The following GPC3 variants were observed in gnomAD, a reference collection of about 807,000 sequenced individuals.
GPC3 encodes the protein glypican-3.
GPC3 carries 3 observed loss-of-function variants against 34.4 expected under a neutral mutation model. The ratio of observed to expected loss-of-function variants is 0.09; its 90% CI spans 0.04 to 0.23. The LOEUF is 0.23. Ranked by LOEUF, GPC3 falls within the 10% of genes least tolerant of loss-of-function variation. The pLI is 1.00. For missense variants in GPC3, 351 were observed against 445.6 expected (o/e 0.79, Z 1.91); for synonymous variants, 177 against 174.0 (o/e 1.02, Z -0.13).
At position 133,710,485 on chromosome X, in the gene GPC3, G is replaced by GGACT. The variant is rs771203090; in HGVS notation, c.1033-10461_1033-10458dup. On this transcript the variant is annotated intron_variant, in intron 3 of 7. Coordinates refer to ENST00000370818, the MANE Select transcript of GPC3 (RefSeq NM_004484.4). ...AGAAATTTGATTCATTCTTAAGTGG[G>GGACT]GACTACTTCCTTCTGCAGCCTGCTT... Among the ~76,000 whole-genome samples, 9 of 112,156 alleles carry GGACT rather than the reference G, an allele frequency of 8.0e-5. No individual in the cohort carries two copies. In the East Asian group the frequency reaches 2.2e-3, roughly 28 times the overall value.
At chrX:133,869,675 T>A (rs57082858) in intron 2 of GPC3, among the ~76,000 whole-genome samples, 1 of 111,957 alleles carries the variant, frequency 8.9e-6, no homozygotes, top group African/African-American at 3.3e-5. Context: ...TGGCCGGGCA[T>A]GGTGGCTTAC....
At chrX:133,940,612 T>A in intron 2 of GPC3, among the ~76,000 whole-genome samples, 1 of 111,934 alleles carries the variant, frequency 8.9e-6, no homozygotes, top group Non-Finnish European at 1.9e-5. Context: ...AGTTCAAATG[T>A]CTAACCTCAC....
chrX:133,828,764 G>A lies in GPC3; in HGVS notation c.338-74588C>T, dbSNP rs762214409. ...GAGAAAGAACTTTTTGAGATCTATC[G>A]CACAGCATGGTGTCTACAGTTAATA... On this transcript the variant is annotated intron_variant, in intron 2 of 7. Coordinates refer to ENST00000370818, the MANE Select transcript of GPC3 (RefSeq NM_004484.4). Among the ~76,000 whole-genome samples, 6 of 110,256 alleles carry A rather than the reference G, an allele frequency of 5.4e-5. No homozygotes were observed. In the South Asian group the frequency reaches 1.2e-3, roughly 21 times the overall value.
At chrX:133,966,551 C>G (rs965905806) in intron 1 of GPC3, among the ~76,000 whole-genome samples, 2 of 112,121 alleles carry the variant, frequency 1.8e-5, no homozygotes, top group Admixed American at 1.9e-4. Flanking sequence ...GTAAATAATC[C>G]GTGCCCTCTA....
At chrX:133,927,382 G>A (rs1183257194) in intron 2 of GPC3, among the ~76,000 whole-genome samples, 1 of 110,992 alleles carries the variant, frequency 9.0e-6, no homozygotes, top group Non-Finnish European at 1.9e-5. Flanking sequence ...GAAATACATG[G>A]GGAAAAGTTC....
intron 2 of GPC3, among the ~76,000 whole-genome samples, chrX:133,844,078 T>A (rs1301614216): frequency 9.0e-6 from 1 of 111,542 alleles, no homozygotes; most frequent in Non-Finnish European, 1.9e-5. Context: ...AAGGACAAGT[T>A]AACCATGGCC....
rs143675778 is a variant in GPC3 at position 133,725,083 on chromosome X, T to C, written c.1033-25055A>G. On this transcript the variant is annotated intron_variant, in intron 3 of 7. Coordinates refer to ENST00000370818, the MANE Select transcript of GPC3 (RefSeq NM_004484.4). ...GGGTCAGTAAAGCAACAGAGAGTCTTCCATTGATTTCAGATGCCCTTTTAT... is the reference window on the plus strand; with the variant it reads ...GGGTCAGTAAAGCAACAGAGAGTCTCCCATTGATTTCAGATGCCCTTTTAT... 1.1e-3 allele frequency among the ~76,000 whole-genome samples: 126 copies of C among 111,710 alleles called. No individual in the cohort carries two copies. In the East Asian group the frequency reaches 0.028, roughly 25 times the overall value.
chrX:133,684,984 T>A (rs1043177898), intron 5 of GPC3, among the ~76,000 whole-genome samples: 3 of 110,432 alleles, frequency 2.7e-5, no homozygotes, highest in African/African-American at 9.9e-5. Flanking sequence ...GTGTTAGAAA[T>A]TTTTAGGTAC....
chrX:133,643,401 T>C (rs1459784913), intron 6 of GPC3, among the ~76,000 whole-genome samples: 1 of 111,828 alleles, frequency 8.9e-6, no homozygotes, highest in African/African-American at 3.3e-5. Flanking sequence ...GAGCTTTGCT[T>C]TGGTCCAGCG....
chrX:133,685,418 C>T (rs764433137), intron 5 of GPC3, among the ~76,000 whole-genome samples: 4 of 111,686 alleles, frequency 3.6e-5, no homozygotes, highest in African/African-American at 1.3e-4. Context: ...TTTGAGACAA[C>T]GGACAAAACT....
At chrX:133,957,871 C>G in intron 1 of GPC3, among the ~76,000 whole-genome samples, 1 of 109,673 alleles carries the variant, frequency 9.1e-6, no homozygotes, top group Non-Finnish European at 1.9e-5. Context: ...AAATGGAATT[C>G]AGCTGGGAAA....
intron 5 of GPC3, among the ~76,000 whole-genome samples, chrX:133,683,582 C>T (rs1404465921): frequency 2.7e-5 from 3 of 112,069 alleles, no homozygotes; most frequent in Non-Finnish European, 5.6e-5. Context: ...AGGACACAAT[C>T]TGCTTAAAGT....
intron 4 of GPC3, among the ~76,000 whole-genome samples, chrX:133,695,103 T>C (rs892855572): frequency 2.7e-5 from 3 of 111,542 alleles, no homozygotes; most frequent in Non-Finnish European, 5.7e-5. Context: ...ATGGCAGAAG[T>C]GGAAGCAAAC....
chrX:133,869,540 C>T (rs1013745613), intron 2 of GPC3, among the ~76,000 whole-genome samples: 9 of 112,134 alleles, frequency 8.0e-5, no homozygotes, highest in African/African-American at 2.6e-4. Flanking sequence ...ACCATGGCAA[C>T]ACGAACATAT....
In GPC3 at chrX:133,554,026, T is replaced by TC. The variant is rs2069462015; in HGVS notation, c.1574-17734_1574-17733insG. Among the ~76,000 whole-genome samples the TC allele has an allele frequency of 3.6e-5, 4 of 110,177 alleles. No homozygotes were observed. In the South Asian group the frequency reaches 1.6e-3, roughly 44 times the overall value. On this transcript the variant is annotated intron_variant, in intron 7 of 7. Transcript: ENST00000370818. ...TTTCTCTCTCTCTCTCTCTCTTTTT[T>TC]TTTTTTGAGATGGAGTCTTACTGTG...
intron 7 of GPC3, among the ~76,000 whole-genome samples, chrX:133,550,252 T>G (rs1254880052): frequency 9.1e-6 from 1 of 110,296 alleles, no homozygotes; most frequent in Non-Finnish European, 1.9e-5. Context: ...TGACCTCAGG[T>G]GATCTGCCTG....
chrX:133,536,986 G>A (rs762973862), intron 7 of GPC3, among the ~76,000 whole-genome samples: 44 of 111,914 alleles, frequency 3.9e-4, no homozygotes, highest in Non-Finnish European at 1.5e-4. Context: ...CAAGTGAATG[G>A]GTGTAAGGAG....
chrX:133,705,077 C>T (rs1001082682), intron 3 of GPC3, among the ~76,000 whole-genome samples: 1 of 112,007 alleles, frequency 8.9e-6, no homozygotes, highest in African/African-American at 3.2e-5. Context: ...CAACACTTCA[C>T]GTTTCTTACA....
chrX:133,593,252 C>A (rs2069871076), intron 7 of GPC3, among the ~76,000 whole-genome samples: 1 of 102,995 alleles, frequency 9.7e-6, no homozygotes, highest in Admixed American at 1.1e-4. Context: ...TCACTTGAAC[C>A]CGGGAGACAG....
Sources: allele counts gnomAD v4.1 joint callset (sites outside exome capture counted in the v4.1 genomes callset), GRCh38; gene constraint gnomAD v4.1.1; transcripts MANE v1.5; gene names NCBI Gene and HGNC (gene_info 2026-07-23, HGNC 2026-07-21).